The following PLAGL1 variants were observed in gnomAD, a reference collection of about 807,000 sequenced individuals.
PLAGL1 encodes PLAG1 like zinc finger 1.
A neutral mutation model predicts 4.6 loss-of-function variants in PLAGL1; 1 was observed. That is an observed-to-expected ratio of 0.22 (90% confidence interval 0.08 to 1.03). The LOEUF (loss-of-function observed/expected upper bound fraction) is 1.03, where lower values mean the gene tolerates loss of function less well. Ranked by LOEUF, PLAGL1 falls within the 50% of genes least tolerant of loss-of-function variation. The pLI, the probability that PLAGL1 is intolerant of heterozygous loss-of-function variation, is 0.58. For missense variants in PLAGL1, 464 were observed against 570.4 expected (o/e 0.81, Z 1.90); for synonymous variants, 240 against 237.8 (o/e 1.01, Z -0.08).
chr6:144,063,523 A>G lies in PLAGL1; in HGVS notation c.-151+945T>C. Among the ~76,000 whole-genome samples the G allele has an allele frequency of 6.6e-6, 1 of 152,216 alleles. No individual in the cohort carries two copies. Among genetic ancestry groups the G allele is most frequent in the South Asian group, 2.1e-4 (1 of 4,824 alleles). Reference sequence around the variant, plus strand: ...GGCGCCTCGGGTTAGGCAGCGACGCACAAAACATAAACCCTGTCATATCAT... The same window carrying G: ...GGCGCCTCGGGTTAGGCAGCGACGCGCAAAACATAAACCCTGTCATATCAT... On this transcript the variant is annotated intron_variant, in intron 1 of 3. Transcript: ENST00000437412. This position sits in a 1 kb window ranked among gnomAD's most constrained non-coding sequence, Gnocchi z 5.7.
At chr6:144,032,417 C>G (rs192878428) in intron 1 of PLAGL1, among the ~76,000 whole-genome samples, 7 of 152,138 alleles carry the variant, frequency 4.6e-5, no homozygotes, top group Admixed American at 3.3e-4. Context: ...AACCACCATG[C>G]CCAGCTACTT....
At position 143,973,377 on chromosome 6, in the gene PLAGL1, C is replaced by T. The variant is rs1390387058; in HGVS notation, c.-543-4399G>A. Among the ~76,000 whole-genome samples the T allele has an allele frequency of 6.6e-6, 1 of 152,210 alleles. No homozygotes were observed. Among genetic ancestry groups the T allele is most frequent in the Non-Finnish European group, 1.5e-5 (1 of 68,050 alleles). Reference sequence around the variant, plus strand: ...TTCAAATTCATCCGTTTCCTACATTCCAGTGACAGTTCAGAATGCTAACCA... The same window carrying T: ...TTCAAATTCATCCGTTTCCTACATTTCAGTGACAGTTCAGAATGCTAACCA... On this transcript the variant is annotated intron_variant, in intron 2 of 7. Coordinates refer to ENST00000674357, the MANE Select transcript of PLAGL1 (RefSeq NM_001317162.2). This position sits in a 1 kb window ranked among gnomAD's most constrained non-coding sequence, Gnocchi z 6.2.
chr6:143,962,190 A>G lies in PLAGL1; in HGVS notation c.-398-1648T>C, dbSNP rs1783519308. Among the ~76,000 whole-genome samples, 1 of 152,196 alleles carries G rather than the reference A, an allele frequency of 6.6e-6. No individual in the cohort carries two copies. On this transcript the variant is annotated intron_variant, in intron 5 of 7. Coordinates refer to ENST00000674357, the MANE Select transcript of PLAGL1 (RefSeq NM_001317162.2). This position sits in a 1 kb window ranked among gnomAD's most constrained non-coding sequence, Gnocchi z 5.3. ...CCCAAGGCAGGCCTGGTCTGGGGGG[A>G]AAATCATGTGCAGTATATGACGATT...
At position 143,962,601 on chromosome 6, in the gene PLAGL1, G is replaced by GT. The variant is rs1172321590; in HGVS notation, c.-398-2060dup. Among the ~76,000 whole-genome samples the GT allele has an allele frequency of 6.6e-6, 1 of 152,208 alleles. No homozygotes were observed. The highest frequency in any genetic ancestry group is 1.5e-5 in the Non-Finnish European group (1 of 68,032). ...GGATGTGTTTTTGCTGTCACAATAT[G>GT]TTTTTCTAGGCATTTGCTTCTGAGA... is the stretch of plus-strand genomic sequence containing the variant. On this transcript the variant is annotated intron_variant, in intron 5 of 7. Transcript: ENST00000674357. The surrounding 1 kb of genome is among the most constrained non-coding windows in gnomAD (Gnocchi z 5.3).
chr6:144,007,909 G>C (rs532760187), intron 1 of PLAGL1, 181 bp downstream of exon 1: 1 of 152,132 alleles, frequency 6.6e-6, no homozygotes, highest in African/African-American at 2.4e-5. Flanking sequence ...CCTGGGTTGC[G>C]GGTGACGATC....
At chr6:144,001,318 C>T (rs1048563907) in intron 1 of PLAGL1, among the ~76,000 whole-genome samples, 1 of 151,996 alleles carries the variant, frequency 6.6e-6, no homozygotes, top group South Asian at 2.1e-4. Context: ...AAATAAATAT[C>T]CATCAATATA....
intron 1 of PLAGL1, among the ~76,000 whole-genome samples, chr6:144,040,536 A>G (rs1284934152): frequency 6.6e-6 from 1 of 151,634 alleles, no homozygotes; most frequent in African/African-American, 2.4e-5. Context: ...CTCAAAAAAT[A>G]AAGAAATATA....
rs1798291074 is a variant in PLAGL1 at position 144,048,033 on chromosome 6, G to C, written c.-151+16435C>G. Among the ~76,000 whole-genome samples the C allele has an allele frequency of 6.6e-6, 1 of 152,138 alleles. No individual in the cohort carries two copies. Among genetic ancestry groups the C allele is most frequent in the Admixed American group, 6.5e-5 (1 of 15,280 alleles). ...ATGGGAGAAATTGGTCAAAACAAAA[G>C]GGCTACAGGCTCCATGCAAGTCCAA... is the stretch of plus-strand genomic sequence containing the variant. On this transcript the variant is annotated intron_variant, in intron 1 of 3. Transcript: ENST00000437412. This position sits in a 1 kb window ranked among gnomAD's most constrained non-coding sequence, Gnocchi z 4.8.
Position 143,960,995 on chromosome 6 carries a change from A to G in PLAGL1, c.-398-453T>C, listed in dbSNP as rs1207410968. 6.6e-6 allele frequency: 1 copy of G among 152,244 alleles called. No homozygotes were observed. Among genetic ancestry groups the G allele is most frequent in the Non-Finnish European group, 1.5e-5 (1 of 68,040 alleles). 9.4% of individuals were successfully genotyped at this position (152,244 alleles called of 1,614,324 possible). A position where few individuals can be genotyped will look rare whatever the true frequency, so the allele number is the denominator to read the frequency against. ...ATTCATATAAACAAAGATTTATCAA[A>G]TTTGCAGTGCAAGAAGGTTGAAGTC... is the stretch of plus-strand genomic sequence containing the variant. On this transcript the variant is annotated intron_variant, in intron 5 of 7. Coordinates refer to ENST00000674357, the MANE Select transcript of PLAGL1 (RefSeq NM_001317162.2). The surrounding 1 kb of genome is among the most constrained non-coding windows in gnomAD (Gnocchi z 5.7).
chr6:144,046,811 G>A (rs1798188624), intron 1 of PLAGL1, among the ~76,000 whole-genome samples: 1 of 152,206 alleles, frequency 6.6e-6, no homozygotes, highest in Non-Finnish European at 1.5e-5. Flanking sequence ...AGTCTACAGA[G>A]GCAGGCAGGC....
chr6:143,960,073 A>G lies in PLAGL1; in HGVS notation c.-325+396T>C, dbSNP rs1783046994. Among the ~76,000 whole-genome samples the G allele has an allele frequency of 6.6e-6, 1 of 152,222 alleles. No individual in the cohort carries two copies. Among genetic ancestry groups the G allele is most frequent in the Non-Finnish European group, 1.5e-5 (1 of 68,040 alleles). Reference sequence around the variant, plus strand: ...GCTTATCTTTCAGTCGACATCTGCCACAAAGACAGGACAACCTCTTACACA... The same window carrying G: ...GCTTATCTTTCAGTCGACATCTGCCGCAAAGACAGGACAACCTCTTACACA... On this transcript the variant is annotated intron_variant, in intron 6 of 7. Transcript: ENST00000674357. The surrounding 1 kb of genome is among the most constrained non-coding windows in gnomAD (Gnocchi z 5.7).
intron 1 of PLAGL1, among the ~76,000 whole-genome samples, chr6:144,062,564 G>A (rs750810795): frequency 4.7e-5 from 7 of 148,192 alleles, no homozygotes; most frequent in Non-Finnish European, 7.4e-5. Context: ...CTGTTTACCC[G>A]TCCCTGTTTT....
At chr6:144,024,243 AT>A (rs1796179710) in intron 1 of PLAGL1, among the ~76,000 whole-genome samples, 2 of 152,150 alleles carry the variant, frequency 1.3e-5, no homozygotes, top group Non-Finnish European at 2.9e-5. Context: ...GTCTAATATT[AT>A]TCTCCAATAA....
rs1781366333 is a variant in PLAGL1, at chr6:143,952,948, A to T, written c.-324-4488T>A. On this transcript the variant is annotated intron_variant, in intron 6 of 7. Transcript: ENST00000674357. This position sits in a 1 kb window ranked among gnomAD's most constrained non-coding sequence, Gnocchi z 6.1. ...TCATCAGGAGAAAGATGATATCCAG[A>T]ACCTCCAGGTAGTCATGGCTGCCAT... is the stretch of plus-strand genomic sequence containing the variant. Among the ~76,000 whole-genome samples, 1 of 152,210 alleles carries T rather than the reference A, an allele frequency of 6.6e-6. No individual in the cohort carries two copies. The highest frequency in any genetic ancestry group is 1.5e-5 in the Non-Finnish European group (1 of 68,030).
intron 1 of PLAGL1, among the ~76,000 whole-genome samples, chr6:144,023,844 T>C (rs970764585): frequency 3.4e-5 from 5 of 145,016 alleles, no homozygotes; most frequent in Non-Finnish European, 7.5e-5. Context: ...TGGTGCAATC[T>C]TGGCTTACTG....
chr6:144,008,470 G>A (rs887367655), upstream of PLAGL1: 5 of 152,154 alleles, frequency 3.3e-5, no homozygotes, highest in African/African-American at 7.2e-5. The surrounding 1 kb of genome is among the most constrained non-coding windows in gnomAD (Gnocchi z 6.9). Flanking sequence ...CACGTGGCAG[G>A]AGGAGGCCCC....
At chr6:143,991,201 T>G (rs1272799932) in intron 1 of PLAGL1, among the ~76,000 whole-genome samples, 1 of 152,226 alleles carries the variant, frequency 6.6e-6, no homozygotes, top group African/African-American at 2.4e-5. Context: ...GACTTATATA[T>G]CATAATGGAA....
Position 144,055,733 on chromosome 6 carries a change from A to C in PLAGL1, c.-151+8735T>G, listed in dbSNP as rs1798917258. ...ACAGTTGTCAGAGATATAAATCATAACTACAGGTGCCTTTAGGAAAGTGAA... is the reference window on the plus strand; with the variant it reads ...ACAGTTGTCAGAGATATAAATCATACCTACAGGTGCCTTTAGGAAAGTGAA... On this transcript the variant is annotated intron_variant, in intron 1 of 3. Transcript: ENST00000437412. The surrounding 1 kb of genome is among the most constrained non-coding windows in gnomAD (Gnocchi z 5.0). 1.3e-5 allele frequency among the ~76,000 whole-genome samples: 2 copies of C among 152,176 alleles called. No individual in the cohort carries two copies. Among genetic ancestry groups the C allele is most frequent in the African/African-American group, 2.4e-5 (1 of 41,440 alleles).
At chr6:144,054,781 G>A (rs1473654996) in intron 1 of PLAGL1, among the ~76,000 whole-genome samples, 1 of 56,306 alleles carries the variant, frequency 1.8e-5, no homozygotes, top group Non-Finnish European at 3.0e-5. Context: ...AAAAGAGTGT[G>A]TGTGTGTGTG....
Sources: allele counts gnomAD v4.1 joint callset (sites outside exome capture counted in the v4.1 genomes callset), GRCh38; gene constraint gnomAD v4.1.1; non-coding constraint Gnocchi (gnomAD v3.1); transcripts MANE v1.5; gene names NCBI Gene and HGNC (gene_info 2026-07-23, HGNC 2026-07-21).